The following RBBP8 variants were observed in gnomAD, a reference collection of about 807,000 sequenced individuals.
The protein encoded by RBBP8 is DNA endonuclease RBBP8.
A neutral mutation model predicts 108.3 loss-of-function variants in RBBP8; 88 were observed. That is an observed-to-expected ratio of 0.81 (90% CI 0.68 to 0.97). RBBP8 has a LOEUF of 0.97. Among genes scored for constraint, RBBP8 ranks in the 50% least tolerant of loss-of-function variants. RBBP8 has a pLI of 0.00. For missense variants in RBBP8, 1,023 were observed against 1,049.0 expected (o/e 0.98, Z 0.34); for synonymous variants, 332 against 348.2 (o/e 0.95, Z 0.52).
In RBBP8 at chr18:22,994,717, TTTATTA is replaced by T. The variant is rs548679146; in HGVS notation, c.1939+888_1939+893del. ...GCATCTTTTCATAATTTTGCTATAT[TTTATTA>T]TTATTATTATTATTATTTGAGACAG... On this transcript the variant is annotated intron_variant, in intron 12 of 18. Transcript: ENST00000327155. Among the ~76,000 whole-genome samples, 615 of 150,950 alleles carry T rather than the reference TTTATTA, an allele frequency of 4.1e-3. 7 individuals are homozygous for T. Among genetic ancestry groups the T allele is most frequent in the African/African-American group, 0.014 (574 of 41,206 alleles).
Position 22,949,536 on chromosome 18 carries a change from T to G in RBBP8, c.153-82T>G. ...TTTTGTTTTGGTACAAGAAATTTGT[T>G]ATATAAACACGGTGGAGCTCTTAGA... is the stretch of plus-strand genomic sequence containing the variant. On this transcript the variant is annotated intron_variant, in intron 3 of 18. Transcript: ENST00000327155. The G allele has an allele frequency of 1.5e-5, 15 of 1,010,696 alleles. 1 individual carries two copies. In the South Asian group the frequency reaches 2.0e-4, roughly 13 times the overall value. 62.6% of individuals were successfully genotyped at this position (1,010,696 alleles called of 1,614,324 possible).
At chr18:22,945,952 G>C (rs756034436) in intron 2 of RBBP8, among the ~76,000 whole-genome samples, 1 of 152,004 alleles carries the variant, frequency 6.6e-6, no homozygotes, top group Non-Finnish European at 1.5e-5. Context: ...CTTATGTTTT[G>C]TATCAGACTT....
chr18:22,954,905 C>T (rs1240206910), intron 4 of RBBP8, among the ~76,000 whole-genome samples: 1 of 152,136 alleles, frequency 6.6e-6, no homozygotes, highest in African/African-American at 2.4e-5. Flanking sequence ...AGCAGCATAG[C>T]GTTAACTGCC....
chr18:22,997,686 G>A lies in RBBP8; in HGVS notation c.2095G>A (p.Val699Ile), dbSNP rs1340014586. The A allele has an allele frequency of 8.7e-6, 14 of 1,609,478 alleles. No homozygotes were observed. Among genetic ancestry groups the A allele is most frequent in the South Asian group, 1.1e-5 (1 of 90,312 alleles). The change falls in exon 14 of 19, where the codon GTT becomes ATT. Residue 699 changes from valine to isoleucine, a missense_variant. Transcript: ENST00000327155. ...GGACTGTACATTGGTTAGTGAAACC[G>A]TTCTCTTAAAAATGAAGAAGCAAGA... The part of the protein sequence containing the change: ...DMDCTLVSET[V>I]LLKMKKQEQK...
intron 4 of RBBP8, among the ~76,000 whole-genome samples, chr18:22,966,532 A>G (rs1205405395): frequency 2.0e-5 from 3 of 148,974 alleles, no homozygotes; most frequent in Non-Finnish European, 4.5e-5. Context: ...TGAGCTCAGG[A>G]GTTTGAGACC....
rs2046450011 is a variant in RBBP8 at position 23,026,261 on chromosome 18, G to T, written c.*21G>T. The T allele has an allele frequency of 2.5e-6, 4 of 1,589,880 alleles. No individual in the cohort carries two copies. In the East Asian group the frequency reaches 9.0e-5, roughly 36 times the overall value. On this transcript the variant is annotated 3_prime_UTR_variant, in exon 19 of 19. Coordinates refer to ENST00000327155, the MANE Select transcript of RBBP8 (RefSeq NM_002894.3). ...CATAGACGTTGAAACAGAAACAGAA[G>T]GATGAAGGACAGTTTTTTCCTTCTT...
intron 16 of RBBP8, 124 bp from the exon 17 acceptor site, chr18:23,016,704 T>C: frequency 1.3e-6 from 1 of 765,848 alleles, no homozygotes; most frequent in Non-Finnish European, 2.3e-6. Context: ...TTAATAAGTA[T>C]TTGACGAAGC....
intron 3 of RBBP8, among the ~76,000 whole-genome samples, chr18:22,927,410 G>A (rs143208478): frequency 6.4e-4 from 98 of 152,230 alleles, no homozygotes; most frequent in African/African-American, 2.2e-3. Context: ...GGATACCCAC[G>A]TCCCAGTTCC....
intron 16 of RBBP8, among the ~76,000 whole-genome samples, chr18:23,009,053 G>A (rs1016954026): frequency 7.9e-5 from 12 of 152,068 alleles, no homozygotes; most frequent in Admixed American, 2.0e-4. Context: ...GATTACAGGC[G>A]TGAGCCACCT....
intron 6 of RBBP8, among the ~76,000 whole-genome samples, chr18:22,978,847 CAAAA>C (rs945811516): frequency 2.0e-5 from 3 of 151,716 alleles, no homozygotes; most frequent in Non-Finnish European, 2.9e-5. Flanking sequence ...GTTTTTACTA[CAAAA>C]AAAAGATAAG....
intron 3 of RBBP8, among the ~76,000 whole-genome samples, chr18:22,920,475 G>A (rs1238824498): frequency 6.6e-6 from 1 of 152,130 alleles, no homozygotes; most frequent in Non-Finnish European, 1.5e-5. Flanking sequence ...CTGACAAAGT[G>A]AAAATGTAAC....
At chr18:22,938,075 C>A (rs1910731939) in intron 2 of RBBP8, among the ~76,000 whole-genome samples, 1 of 151,934 alleles carries the variant, frequency 6.6e-6, no homozygotes, top group Non-Finnish European at 1.5e-5. Flanking sequence ...AGTCCACTGG[C>A]CTCAGCCTCC....
At chr18:22,947,612 A>G (rs992852631) in intron 3 of RBBP8, among the ~76,000 whole-genome samples, 1 of 152,108 alleles carries the variant, frequency 6.6e-6, no homozygotes, top group Non-Finnish European at 1.5e-5. Flanking sequence ...TGCTAATGGC[A>G]TTGAGCTTGC....
chr18:22,979,596 T>C (rs1177618193), intron 6 of RBBP8, among the ~76,000 whole-genome samples: 1 of 152,234 alleles, frequency 6.6e-6, no homozygotes, highest in Admixed American at 6.5e-5. Flanking sequence ...ACAGACTGAT[T>C]TGGTCATGTA....
At chr18:23,006,985 T>TTGTG (rs997781551) in intron 16 of RBBP8, among the ~76,000 whole-genome samples, 2 of 151,928 alleles carry the variant, frequency 1.3e-5, no homozygotes, top group African/African-American at 4.8e-5. Flanking sequence ...TTCTCTGCTT[T>TTGTG]TGTGTGTGTG....
Position 22,993,766 on chromosome 18 carries a change from C to T in RBBP8, c.1858C>T (p.His620Tyr), listed in dbSNP as rs760243970. Residue 620 changes from histidine to tyrosine, a missense_variant, in exon 12 of 19, where the codon CAT (histidine) becomes TAT (tyrosine). Coordinates refer to ENST00000327155, the MANE Select transcript of RBBP8 (RefSeq NM_002894.3). Reference protein sequence around the residue: ...EPIKIQTRSDHGGCELASVLQ... With the variant: ...EPIKIQTRSDYGGCELASVLQ... ...AATAAAAATACAAACCAGGTCAGAC[C>T]ATGGAGGATGTGAACTTGCATCAGT... 3 of 1,613,894 alleles carry T rather than the reference C, an allele frequency of 1.9e-6. No homozygotes were observed. The highest frequency in any genetic ancestry group is 1.3e-5 in the African/African-American group (1 of 74,912).
intron 4 of RBBP8, among the ~76,000 whole-genome samples, chr18:22,960,756 T>C (rs1913026763): frequency 6.6e-6 from 1 of 152,204 alleles, no homozygotes; most frequent in African/African-American, 2.4e-5. Flanking sequence ...TTTTTTATAA[T>C]GTAATTTTTA....
At chr18:22,935,313 A>G (rs1910454170) in intron 1 of RBBP8, among the ~76,000 whole-genome samples, 1 of 149,600 alleles carries the variant, frequency 6.7e-6, no homozygotes, top group South Asian at 2.1e-4. Flanking sequence ...TTTTTTTTCA[A>G]GCAAATCGCA....
At position 23,022,127 on chromosome 18, in the gene RBBP8, A is replaced by G; in HGVS notation, c.2455-2A>G. 1 of 1,590,886 alleles carries G rather than the reference A, an allele frequency of 6.3e-7. No individual in the cohort carries two copies. Among genetic ancestry groups the G allele is most frequent in the South Asian group, 1.1e-5 (1 of 90,478 alleles). ...AAAAAACTTACCAGTTTTTATTATTAGTATTATGCAGATATGCCAGCAGAA... is the reference window on the plus strand; with the variant it reads ...AAAAAACTTACCAGTTTTTATTATTGGTATTATGCAGATATGCCAGCAGAA... On this transcript the variant is annotated splice_acceptor_variant, in intron 17 of 18. Transcript: ENST00000327155. LOFTEE classifies it high-confidence loss of function.
Sources: allele counts gnomAD v4.1 joint callset (sites outside exome capture counted in the v4.1 genomes callset), GRCh38; gene constraint gnomAD v4.1.1; transcripts MANE v1.5; gene names NCBI Gene and HGNC (gene_info 2026-07-23, HGNC 2026-07-21).